The following NECTIN2 variants were observed in gnomAD, a reference collection of about 807,000 sequenced individuals.
NECTIN2 encodes nectin cell adhesion molecule 2, also known as nectin-2.
Under a neutral mutation model 56.9 loss-of-function variants are expected in NECTIN2, and 23 were observed. The observed-to-expected ratio is 0.40, with a 90% CI of 0.29 to 0.57. NECTIN2 has a LOEUF of 0.57. NECTIN2 is among the 20% of genes least tolerant of loss of function. The pLI, the probability that NECTIN2 is intolerant of heterozygous loss-of-function variation, is 0.38. For synonymous variants in NECTIN2, 302 were observed against 313.8 expected (o/e 0.96, Z 0.40); for missense variants, 587 against 718.3 (o/e 0.82, Z 2.09).
chr19:44,849,579 G>C (rs987530712), intron 1 of NECTIN2, among the ~76,000 whole-genome samples: 1 of 152,160 alleles, frequency 6.6e-6, no homozygotes, highest in African/African-American at 2.4e-5. Flanking sequence ...GAGGAGAAGA[G>C]GGGACCCAGC....
chr19:44,846,865 C>T (rs1381854740), intron 1 of NECTIN2, among the ~76,000 whole-genome samples: 1 of 151,946 alleles, frequency 6.6e-6, no homozygotes, highest in Non-Finnish European at 1.5e-5. Flanking sequence ...CCATCCTACG[C>T]CTGCTTGTCT....
chr19:44,870,921 G>C (rs756811202), intron 2 of NECTIN2, among the ~76,000 whole-genome samples: 1 of 151,956 alleles, frequency 6.6e-6, no homozygotes, highest in Non-Finnish European at 1.5e-5. Context: ...GTAGAGATGG[G>C]GTTTCACCAC....
At chr19:44,871,590 T>A (rs1181957833) in intron 2 of NECTIN2, among the ~76,000 whole-genome samples, 1 of 152,088 alleles carries the variant, frequency 6.6e-6, no homozygotes, top group Non-Finnish European at 1.5e-5. Flanking sequence ...AGGCCAGACA[T>A]TACCCTAAGC....
intron 1 of NECTIN2, among the ~76,000 whole-genome samples, chr19:44,854,209 G>C (rs1021414584): frequency 1.3e-5 from 2 of 151,960 alleles, no homozygotes; most frequent in African/African-American, 4.8e-5. Context: ...GAGTTCAAGC[G>C]ACTCTCCCTA....
chr19:44,872,790 TTTATTATTTA>T (rs1260023473), intron 3 of NECTIN2, among the ~76,000 whole-genome samples: 1 of 79,144 alleles, frequency 1.3e-5, no homozygotes, highest in East Asian at 8.2e-4. Flanking sequence ...TTACATTGTA[TTTATTATTTA>T]TTATTTATTA....
intron 1 of NECTIN2, among the ~76,000 whole-genome samples, chr19:44,858,015 C>T (rs917385891): frequency 2.6e-5 from 4 of 152,176 alleles, no homozygotes; most frequent in Non-Finnish European, 5.9e-5. Context: ...GAACAAGAAG[C>T]TAATGGGGAG....
chr19:44,864,015 C>CCCCG (rs1969065165), intron 1 of NECTIN2, among the ~76,000 whole-genome samples: 3 of 151,140 alleles, frequency 2.0e-5, no homozygotes, highest in Non-Finnish European at 2.9e-5. Context: ...AGAGGATTCC[C>CCCCG]CCCCCCCAAA....
chr19:44,880,853 A>G (rs1599926403), intron 5 of NECTIN2, among the ~76,000 whole-genome samples: 1 of 146,520 alleles, frequency 6.8e-6, no homozygotes, highest in South Asian at 2.2e-4. Flanking sequence ...GCTCACGGCA[A>G]CCTCCGCTTC....
intron 2 of NECTIN2, among the ~76,000 whole-genome samples, chr19:44,871,493 A>G (rs1488523934): frequency 1.3e-5 from 2 of 152,144 alleles, no homozygotes; most frequent in Non-Finnish European, 2.9e-5. Context: ...ACACCACTGC[A>G]CTCGAGACCA....
chr19:44,872,737 G>A (rs1041143977), intron 3 of NECTIN2, among the ~76,000 whole-genome samples: 8 of 150,758 alleles, frequency 5.3e-5, no homozygotes, highest in South Asian at 2.1e-4. Context: ...TCTATACTGA[G>A]TCTCCCAGAG....
chr19:44,860,257 G>C (rs1314348552), intron 1 of NECTIN2, among the ~76,000 whole-genome samples: 1 of 152,182 alleles, frequency 6.6e-6, no homozygotes, highest in Non-Finnish European at 1.5e-5. Context: ...GGGCGCAGTG[G>C]CTCATGCCCG....
At chr19:44,862,475 A>G (rs11672979) in intron 1 of NECTIN2, among the ~76,000 whole-genome samples, 28 of 149,878 alleles carry the variant, frequency 1.9e-4, no homozygotes, top group Non-Finnish European at 1.5e-4. Flanking sequence ...ATAAAAAAAA[A>G]AAAGAAAGAA....
At chr19:44,882,070 T>G in intron 5 of NECTIN2, 141 bp from the exon 6 acceptor site, 3 of 676,658 alleles carry the variant, frequency 4.4e-6, no homozygotes, top group Non-Finnish European at 6.4e-6. Flanking sequence ...GCTCAGCAGT[T>G]TGAGTTGAAT....
chr19:44,883,201 A>G (rs866172296), intron 6 of NECTIN2, among the ~76,000 whole-genome samples: 2 of 149,938 alleles, frequency 1.3e-5, no homozygotes, highest in Middle Eastern at 3.4e-3. Context: ...AGAAACCTGA[A>G]GATAAAGAGT....
At chr19:44,849,434 CAT>C (rs1052839362) in intron 1 of NECTIN2, among the ~76,000 whole-genome samples, 4 of 151,804 alleles carry the variant, frequency 2.6e-5, no homozygotes, top group Admixed American at 6.6e-5. Context: ...AGGCCAGCGA[CAT>C]GTGGGGGCCA....
intron 1 of NECTIN2, among the ~76,000 whole-genome samples, chr19:44,863,453 T>A (rs1445204347): frequency 6.6e-6 from 1 of 151,972 alleles, no homozygotes. Context: ...AAATTAACTG[T>A]TGGGTACGCT....
Position 44,886,171 on chromosome 19 carries a change from C to A in NECTIN2, c.1299C>A (p.Ser433Arg), listed in dbSNP as rs948262138. 2 of 1,613,052 alleles carry A rather than the reference C, an allele frequency of 1.2e-6. No homozygotes were observed. Among genetic ancestry groups the A allele is most frequent in the African/African-American group, 2.7e-5 (2 of 75,020 alleles). ...TCACTCTGGGGGCCTCGGAGCACAGCCCACTCAAGACCCCCTACTTTGATG... is the reference window on the plus strand; with the variant it reads ...TCACTCTGGGGGCCTCGGAGCACAGACCACTCAAGACCCCCTACTTTGATG... ...QLFTLGASEH[S>R]PLKTPYFDAG... Residue 433 changes from serine (S) to arginine (R), a missense_variant, in exon 8 of 9, where the codon AGC becomes AGA. By Grantham distance (110) the Ser-to-Arg change is moderately radical. Transcript: ENST00000252483.
At chr19:44,860,821 C>T (rs757830785) in intron 1 of NECTIN2, among the ~76,000 whole-genome samples, 2 of 151,772 alleles carry the variant, frequency 1.3e-5, no homozygotes, top group African/African-American at 2.4e-5. Context: ...AAACTCCTGA[C>T]CTCAAGTGGC....
In NECTIN2 at chr19:44,874,120, G is replaced by A; in HGVS notation, c.893+87G>A. ...TGGATCTAAGGGAGGAGGGGCTGGG[G>A]GCCTGGACTCCTGGATCTGAGGGAG... On this transcript the variant is annotated intron_variant, in intron 4 of 8. Transcript: ENST00000252483. The surrounding 1 kb of genome is among the most constrained non-coding windows in gnomAD (Gnocchi z 6.3). 3 of 1,252,036 alleles carry A rather than the reference G, an allele frequency of 2.4e-6. No individual in the cohort carries two copies. The highest frequency in any genetic ancestry group is 4.7e-5 in the East Asian group (2 of 42,202). 77.6% of individuals were successfully genotyped at this position (1,252,036 alleles called of 1,614,324 possible). A position where few individuals can be genotyped will look rare whatever the true frequency, so the allele number is the denominator to read the frequency against.
Sources: gnomAD v4.1 joint callset for allele counts (sites outside exome capture counted in the v4.1 genomes callset) on GRCh38, gnomAD v4.1.1 for gene constraint, Gnocchi (gnomAD v3.1) non-coding constraint, MANE v1.5 for transcripts, NCBI Gene and HGNC (gene_info 2026-07-23, HGNC 2026-07-21) for gene names.